Variants in NRG1 observed in about 807,000 individuals in gnomAD.
NRG1 encodes the protein neuregulin 1, also known as pro-neuregulin-1, membrane-bound isoform.
Under a neutral mutation model 63.8 loss-of-function variants are expected in NRG1, and 18 were observed. The ratio of observed to expected loss-of-function variants is 0.28; its 90% CI spans 0.19 to 0.42. The LOEUF is 0.42. Ranked by LOEUF, NRG1 falls within the 10% of genes least tolerant of loss-of-function variation. The pLI is 1.00. For missense variants in NRG1, 762 were observed against 814.7 expected, an observed-to-expected ratio of 0.94 and a Z score of 0.79; for synonymous variants, 302 against 301.3, an observed-to-expected ratio of 1.00 and a Z score of -0.02.
intron 1 of NRG1, chr8:31,639,571 C>A: frequency 7.0e-7 from 1 of 1,433,252 alleles, no homozygotes; most frequent in Non-Finnish European, 9.3e-7. Context: ...GCCGCCGCAG[C>A]ATCACTTCAC....
At chr8:31,791,068 G>A (rs1049915215) in intron 1 of NRG1, among the ~76,000 whole-genome samples, 2 of 151,942 alleles carry the variant, frequency 1.3e-5, no homozygotes, top group African/African-American at 4.8e-5. Context: ...AATTAGCCAG[G>A]CATGGTGGCA....
At chr8:32,521,154 A>G (rs746890642) in intron 1 of NRG1, among the ~76,000 whole-genome samples, 95 of 152,172 alleles carry the variant, frequency 6.2e-4, no homozygotes, top group African/African-American at 2.3e-3. Flanking sequence ...GGTACTATCC[A>G]TGGTTTCTGG....
At chr8:32,483,428 G>A (rs138487088) in intron 1 of NRG1, among the ~76,000 whole-genome samples, 19 of 152,222 alleles carry the variant, frequency 1.2e-4, no homozygotes, top group East Asian at 7.7e-4. Flanking sequence ...CTCCATCTCC[G>A]GCTTTTCCTT....
intron 1 of NRG1, among the ~76,000 whole-genome samples, chr8:32,444,683 A>G (rs1820014145): frequency 6.6e-6 from 1 of 152,202 alleles, no homozygotes; most frequent in South Asian, 2.1e-4. Flanking sequence ...CCATTCCTCA[A>G]TGCCACAATG....
intron 1 of NRG1, among the ~76,000 whole-genome samples, chr8:32,080,510 A>G (rs750525833): frequency 6.6e-6 from 1 of 152,182 alleles, no homozygotes; most frequent in Non-Finnish European, 1.5e-5. Context: ...TAGGAATAAA[A>G]GTGTGTGCAC....
chr8:31,846,675 C>T (rs923045130), intron 1 of NRG1, among the ~76,000 whole-genome samples: 6 of 152,140 alleles, frequency 3.9e-5, no homozygotes, highest in African/African-American at 1.4e-4. Flanking sequence ...GCACACAATG[C>T]TGTAGGAATT....
At chr8:31,820,260 C>A (rs540141438) in intron 1 of NRG1, among the ~76,000 whole-genome samples, 1 of 152,270 alleles carries the variant, frequency 6.6e-6, no homozygotes, top group East Asian at 1.9e-4. Context: ...ATGAGAGGAA[C>A]CCTGGAATTA....
At chr8:31,844,475 A>G (rs889645468) in intron 1 of NRG1, among the ~76,000 whole-genome samples, 1 of 152,214 alleles carries the variant, frequency 6.6e-6, no homozygotes, top group Admixed American at 6.5e-5. Context: ...TCAAATGGGA[A>G]ATGATGATGG....
At chr8:32,045,696 A>G (rs1045227047) in intron 1 of NRG1, among the ~76,000 whole-genome samples, 1 of 151,990 alleles carries the variant, frequency 6.6e-6, no homozygotes, top group African/African-American at 2.4e-5. Context: ...TGCAAAAGCA[A>G]CTTACTGCAG....
In NRG1 at chr8:32,217,542, G is replaced by A. The variant is rs1490111420; in HGVS notation, c.38-378286G>A. ...CTACTGCAAGAAAAAACTGGATATT[G>A]CAATTGCCATCCTTTTTGAGTTAAA... On this transcript the variant is annotated intron_variant, in intron 1 of 10. Transcript: ENST00000519301. Among the ~76,000 whole-genome samples the A allele has an allele frequency of 5.9e-5, 9 of 152,138 alleles. No individual in the cohort carries two copies. The South Asian group carries it at 1.0e-3, about 18-fold the overall frequency.
chr8:32,044,504 C>A (rs1455231262), intron 1 of NRG1, among the ~76,000 whole-genome samples: 2 of 151,764 alleles, frequency 1.3e-5, no homozygotes, highest in Admixed American at 6.6e-5. Flanking sequence ...AATAGGCATT[C>A]TTTTCAAGTG....
At chr8:32,706,076 T>C (rs1302367578) in intron 5 of NRG1, among the ~76,000 whole-genome samples, 3 of 152,168 alleles carry the variant, frequency 2.0e-5, no homozygotes, top group African/African-American at 4.8e-5. Flanking sequence ...ATCTAGCAAA[T>C]GAGATAAACT....
intron 1 of NRG1, among the ~76,000 whole-genome samples, chr8:32,341,454 C>G (rs111306309): frequency 1.1e-4 from 16 of 152,292 alleles, no homozygotes; most frequent in African/African-American, 3.9e-4. Flanking sequence ...ACTGTAAGGA[C>G]AGAGGAATGA....
intron 1 of NRG1, among the ~76,000 whole-genome samples, chr8:31,826,621 C>G (rs1824594129): frequency 1.4e-5 from 2 of 139,716 alleles, no homozygotes; most frequent in South Asian, 4.3e-4. Flanking sequence ...ACTACCTATC[C>G]TCCTCCTGGC....
intron 1 of NRG1, among the ~76,000 whole-genome samples, chr8:32,179,774 A>G (rs1204885434): frequency 6.6e-6 from 1 of 152,220 alleles, no homozygotes; most frequent in Non-Finnish European, 1.5e-5. Flanking sequence ...CCTTTGAAGC[A>G]TAAGTGCCTT....
intron 1 of NRG1, among the ~76,000 whole-genome samples, chr8:31,898,323 C>A (rs188017301): frequency 6.6e-6 from 1 of 152,080 alleles, no homozygotes; most frequent in Non-Finnish European, 1.5e-5. Flanking sequence ...ATTTTAATAA[C>A]CACTATGTGC....
At chr8:32,521,888 C>CT (rs887538740) in intron 1 of NRG1, among the ~76,000 whole-genome samples, 15 of 152,100 alleles carry the variant, frequency 9.9e-5, no homozygotes, top group African/African-American at 3.4e-4. Context: ...TCTCTTCCTG[C>CT]TTTTTTTAGT....
chr8:32,426,536 T>C (rs1198552094), intron 1 of NRG1, among the ~76,000 whole-genome samples: 1 of 152,160 alleles, frequency 6.6e-6, no homozygotes, highest in African/African-American at 2.4e-5. Flanking sequence ...GTTGATTTAT[T>C]TGTTAAGTAG....
intron 1 of NRG1, among the ~76,000 whole-genome samples, chr8:31,952,575 T>C (rs1803647188): frequency 6.6e-6 from 1 of 152,262 alleles, no homozygotes; most frequent in South Asian, 2.1e-4. Context: ...ACTTGGATTT[T>C]GGCTTTTGCC....
Sources: allele counts gnomAD v4.1 joint callset (sites outside exome capture counted in the v4.1 genomes callset), GRCh38; gene constraint gnomAD v4.1.1; transcripts MANE v1.5; gene names NCBI Gene and HGNC (gene_info 2026-07-23, HGNC 2026-07-21).